CTNNBIP1: variants seen among roughly 807,000 people sequenced by gnomAD.
CTNNBIP1 encodes beta-catenin-interacting protein 1.
A neutral mutation model predicts 11.8 loss-of-function variants in CTNNBIP1; 7 were observed. The observed-to-expected ratio is 0.60, with a 90% CI of 0.34 to 1.12. The LOEUF is 1.12. Among genes scored for constraint, CTNNBIP1 ranks in the 50% most tolerant of loss-of-function variants. CTNNBIP1 has a pLI of 0.03. For synonymous variants in CTNNBIP1, 58 were observed against 43.9 expected, an observed-to-expected ratio of 1.32 and a Z score of -1.26; for missense variants, 101 against 113.4, an observed-to-expected ratio of 0.89 and a Z score of 0.50.
chr1:9,856,686 G>T (rs887921726), intron 5 of CTNNBIP1, among the ~76,000 whole-genome samples: 10 of 151,518 alleles, frequency 6.6e-5, no homozygotes, highest in Non-Finnish European at 1.2e-4. Flanking sequence ...GCTAATTTTT[G>T]TATTTTTAGT....
At position 9,894,836 on chromosome 1, in the gene CTNNBIP1, G is replaced by A. The variant is rs1178056841; in HGVS notation, c.-143-11098C>T. Among the ~76,000 whole-genome samples the A allele has an allele frequency of 2.0e-5, 3 of 151,664 alleles. No homozygotes were observed. In the East Asian group the frequency reaches 5.8e-4, roughly 29 times the overall value. On this transcript the variant is annotated intron_variant, in intron 1 of 5. Coordinates refer to ENST00000377263, the MANE Select transcript of CTNNBIP1 (RefSeq NM_020248.3). ...GCTCACTGCAATTTCCGCCTCCCGG[G>A]TTCAAGAGATTCTCCTGCCTCAGCC...
chr1:9,907,359 C>T (rs1366832347), intron 1 of CTNNBIP1, among the ~76,000 whole-genome samples: 5 of 152,070 alleles, frequency 3.3e-5, no homozygotes, highest in Admixed American at 1.3e-4. Flanking sequence ...TTAGTAGAGA[C>T]GGGTTTTCAC....
intron 5 of CTNNBIP1, among the ~76,000 whole-genome samples, chr1:9,865,784 T>G (rs1313413369): frequency 6.6e-6 from 1 of 152,188 alleles, no homozygotes; most frequent in Non-Finnish European, 1.5e-5. Flanking sequence ...TTCTGCTCTT[T>G]CTCCCTTTCC....
chr1:9,900,489 T>C (rs1291563488), intron 1 of CTNNBIP1, among the ~76,000 whole-genome samples: 1 of 152,188 alleles, frequency 6.6e-6, no homozygotes, highest in East Asian at 1.9e-4. Context: ...AGCACTTCAA[T>C]CTCCACTGTC....
intron 5 of CTNNBIP1, among the ~76,000 whole-genome samples, chr1:9,864,545 G>T (rs927639097): frequency 6.6e-6 from 1 of 152,160 alleles, no homozygotes; most frequent in Non-Finnish European, 1.5e-5. Context: ...AGCCAGGATG[G>T]TCTCAATCTC....
intron 1 of CTNNBIP1, among the ~76,000 whole-genome samples, chr1:9,897,887 G>A (rs1038751775): frequency 3.3e-5 from 5 of 151,822 alleles, no homozygotes; most frequent in African/African-American, 4.8e-5. Context: ...TTGGGAGGCC[G>A]AGGTGGGCGG....
intron 1 of CTNNBIP1, among the ~76,000 whole-genome samples, chr1:9,889,946 C>T (rs1231934634): frequency 2.0e-5 from 3 of 152,200 alleles, no homozygotes; most frequent in Non-Finnish European, 4.4e-5. Context: ...AACTGGGGCT[C>T]CTCGAGTGGT....
chr1:9,901,230 TA>T (rs1398276141), intron 1 of CTNNBIP1, among the ~76,000 whole-genome samples: 1 of 152,160 alleles, frequency 6.6e-6, no homozygotes, highest in African/African-American at 2.4e-5. Context: ...ATATTTAGGA[TA>T]TTTGGCAAGG....
At position 9,850,353 on chromosome 1, in the gene CTNNBIP1, C is replaced by A. The variant is rs112637865; in HGVS notation, c.*365G>T. 1.0e-5 allele frequency: 2 copies of A among 191,000 alleles called. No individual in the cohort carries two copies. Among genetic ancestry groups the A allele is most frequent in the Admixed American group, 5.6e-5 (1 of 17,970 alleles). 11.8% of individuals were successfully genotyped at this position (191,000 alleles called of 1,614,324 possible). On this transcript the variant is annotated 3_prime_UTR_variant, in exon 6 of 6. Transcript: ENST00000377263. ...CCTCTTCACATTTCTAAAAAAATGA[C>A]CTAACTAAAGCACCAGAGCTCGGAG...
At position 9,883,092 on chromosome 1, in the gene CTNNBIP1, G is replaced by A. The variant is rs754973118; in HGVS notation, c.-110+613C>T. ...CAGAGCCAGAGCAGTCAGGAACAGC[G>A]GGTGCCTGGGTGGCAGCAGCGGGAC... On this transcript the variant is annotated intron_variant, in intron 2 of 5. Transcript: ENST00000377263. This position sits in a 1 kb window ranked among gnomAD's most constrained non-coding sequence, Gnocchi z 5.6. 1.3e-5 allele frequency among the ~76,000 whole-genome samples: 2 copies of A among 152,166 alleles called. No individual in the cohort carries two copies. Among genetic ancestry groups the A allele is most frequent in the South Asian group, 2.1e-4 (1 of 4,822 alleles).
chr1:9,876,238 C>A (rs1238753551), intron 3 of CTNNBIP1, among the ~76,000 whole-genome samples: 1 of 152,180 alleles, frequency 6.6e-6, no homozygotes, highest in Non-Finnish European at 1.5e-5. Context: ...ATTCCAGCGT[C>A]TAAAATGGGG....
intron 5 of CTNNBIP1, among the ~76,000 whole-genome samples, chr1:9,869,305 C>CT (rs989971771): frequency 1.3e-5 from 2 of 152,046 alleles, no homozygotes; most frequent in African/African-American, 2.4e-5. Flanking sequence ...TGGCCACCAG[C>CT]TTTTTTTTCT....
chr1:9,867,831 C>T lies in CTNNBIP1; in HGVS notation c.187+3356G>A, dbSNP rs928029846. Among the ~76,000 whole-genome samples, 2 of 152,336 alleles carry T rather than the reference C, an allele frequency of 1.3e-5. No homozygotes were observed. The highest frequency in any genetic ancestry group is 3.9e-4 in the East Asian group (2 of 5,178). Reference sequence around the variant, plus strand: ...TGTCTGAGCCTCTGACAGCAGGATCCTGCAGCATCAGCTGAGATTGGCTCT... The same window carrying T: ...TGTCTGAGCCTCTGACAGCAGGATCTTGCAGCATCAGCTGAGATTGGCTCT... On this transcript the variant is annotated intron_variant, in intron 5 of 5. Coordinates refer to ENST00000377263, the MANE Select transcript of CTNNBIP1 (RefSeq NM_020248.3). This position sits in a 1 kb window ranked among gnomAD's most constrained non-coding sequence, Gnocchi z 4.6.
At chr1:9,877,578 C>A (rs1263344668) in intron 3 of CTNNBIP1, among the ~76,000 whole-genome samples, 1 of 152,174 alleles carries the variant, frequency 6.6e-6, no homozygotes, top group Non-Finnish European at 1.5e-5. Context: ...GATTCTAATA[C>A]ATTTAAAAAT....
In CTNNBIP1 at chr1:9,867,377, G is replaced by T. The variant is rs1407586676; in HGVS notation, c.187+3810C>A. On this transcript the variant is annotated intron_variant, in intron 5 of 5. Transcript: ENST00000377263. This position sits in a 1 kb window ranked among gnomAD's most constrained non-coding sequence, Gnocchi z 4.6. ...ATAGATACTCAACAAATGTGACCGA[G>T]GAAGGAATCGAAGGGTAGGGGGTAA... Among the ~76,000 whole-genome samples the T allele has an allele frequency of 6.6e-6, 1 of 152,186 alleles. No homozygotes were observed. Among genetic ancestry groups the T allele is most frequent in the African/African-American group, 2.4e-5 (1 of 41,438 alleles).
At chr1:9,908,967 T>G (rs919947632) in intron 1 of CTNNBIP1, among the ~76,000 whole-genome samples, 14 of 152,194 alleles carry the variant, frequency 9.2e-5, no homozygotes, top group African/African-American at 3.4e-4. Context: ...ACATTGGCAT[T>G]TAACAGCCCG....
At chr1:9,880,975 T>C (rs1639069245) in intron 2 of CTNNBIP1, among the ~76,000 whole-genome samples, 1 of 152,114 alleles carries the variant, frequency 6.6e-6, no homozygotes, top group Admixed American at 6.5e-5. Flanking sequence ...CAGTCACACA[T>C]GGCCTGCATT....
At chr1:9,905,423 T>G (rs1639597307) in intron 1 of CTNNBIP1, among the ~76,000 whole-genome samples, 1 of 151,862 alleles carries the variant, frequency 6.6e-6, no homozygotes, top group Non-Finnish European at 1.5e-5. Flanking sequence ...TTCACCACCC[T>G]ACATTCTTTT....
intron 1 of CTNNBIP1, among the ~76,000 whole-genome samples, chr1:9,895,652 T>C (rs1299165949): frequency 1.3e-5 from 2 of 152,012 alleles, no homozygotes; most frequent in Non-Finnish European, 2.9e-5. Flanking sequence ...CACGCCACCA[T>C]GCCCAGCTAA....
Sources: allele counts gnomAD v4.1 joint callset (sites outside exome capture counted in the v4.1 genomes callset), GRCh38; gene constraint gnomAD v4.1.1; non-coding constraint Gnocchi (gnomAD v3.1); transcripts MANE v1.5; gene names NCBI Gene and HGNC (gene_info 2026-07-23, HGNC 2026-07-21).